PTPRT: variants seen among roughly 807,000 people sequenced by gnomAD.
PTPRT encodes receptor-type tyrosine-protein phosphatase T.
PTPRT carries 56 observed loss-of-function variants against 176.8 expected under a neutral mutation model. The ratio of observed to expected loss-of-function variants is 0.32; its 90% CI spans 0.26 to 0.40. The LOEUF is 0.40. Among genes scored for constraint, PTPRT ranks in the 10% least tolerant of loss-of-function variants. The pLI, the probability that PTPRT is intolerant of heterozygous loss-of-function variation, is 1.00. For synonymous variants in PTPRT, 783 were observed against 739.0 expected (o/e 1.06, Z -0.96); for missense variants, 1,540 against 1,908.2 (o/e 0.81, Z 3.60).
In PTPRT at chr20:42,782,450, T is replaced by C. The variant is rs541937982; in HGVS notation, c.487-2151A>G. Among the ~76,000 whole-genome samples the C allele has an allele frequency of 7.9e-5, 12 of 152,322 alleles. No homozygotes were observed. In the East Asian group the frequency reaches 1.4e-3, roughly 17 times the overall value. On this transcript the variant is annotated intron_variant, in intron 3 of 30. Coordinates refer to ENST00000373187, the MANE Select transcript of PTPRT (RefSeq NM_007050.6). ...AATCCAACAGATCTGCACAGATTCC[T>C]CCTCAAACCTTTTCCCTCATTGACC...
intron 9 of PTPRT, among the ~76,000 whole-genome samples, chr20:42,413,730 C>T (rs1157790254): frequency 6.6e-6 from 1 of 152,204 alleles, no homozygotes. Context: ...TCACATGGCT[C>T]ACCCTACAAG....
chr20:42,929,132 A>T (rs1427207528), intron 1 of PTPRT, among the ~76,000 whole-genome samples: 1 of 152,230 alleles, frequency 6.6e-6, no homozygotes. Flanking sequence ...CATTTCTAAC[A>T]TCCTTAGCAT....
At chr20:42,205,847 C>T (rs1263114600) in intron 15 of PTPRT, among the ~76,000 whole-genome samples, 2 of 152,116 alleles carry the variant, frequency 1.3e-5, no homozygotes, top group African/African-American at 4.8e-5. Context: ...CAAGTGAGGC[C>T]CTGCTTCTAC....
chr20:43,006,829 G>A (rs985779760), intron 1 of PTPRT, among the ~76,000 whole-genome samples: 8 of 152,148 alleles, frequency 5.3e-5, no homozygotes, highest in African/African-American at 1.4e-4. Flanking sequence ...TAGCACTTGG[G>A]CACATAAGCA....
At chr20:42,123,053 C>A (rs908268656) in intron 19 of PTPRT, among the ~76,000 whole-genome samples, 1 of 152,172 alleles carries the variant, frequency 6.6e-6, no homozygotes, top group South Asian at 2.1e-4. Context: ...CTTTCTCCTC[C>A]TGGGACATGG....
At chr20:42,732,217 G>A (rs910818573) in intron 6 of PTPRT, among the ~76,000 whole-genome samples, 1 of 152,170 alleles carries the variant, frequency 6.6e-6, no homozygotes, top group Non-Finnish European at 1.5e-5. Context: ...CATTTCAAGT[G>A]TTTGATAGCC....
At chr20:42,957,229 C>A (rs1981695978) in intron 1 of PTPRT, among the ~76,000 whole-genome samples, 1 of 152,096 alleles carries the variant, frequency 6.6e-6, no homozygotes, top group African/African-American at 2.4e-5. Context: ...ATGAATCATG[C>A]CAAAGGTCGA....
intron 8 of PTPRT, among the ~76,000 whole-genome samples, chr20:42,471,889 T>C (rs1219284896): frequency 1.3e-5 from 2 of 152,056 alleles, no homozygotes; most frequent in African/African-American, 2.4e-5. Context: ...ACTCCTGAGA[T>C]AGGCAATCCA....
intron 17 of PTPRT, among the ~76,000 whole-genome samples, chr20:42,151,267 A>G (rs1989120326): frequency 6.6e-6 from 1 of 152,042 alleles, no homozygotes; most frequent in Admixed American, 6.6e-5. Context: ...AGCCCCGCAT[A>G]CATTAGGTAT....
chr20:42,450,039 GGCTTCTCTGGGGCCAT>G (rs1385365853), intron 8 of PTPRT, among the ~76,000 whole-genome samples: 2 of 152,146 alleles, frequency 1.3e-5, no homozygotes. Context: ...AGAAATTGCA[GGCTTCTCTGGGGCCAT>G]ACATTTCTCT....
chr20:42,963,598 G>A (rs963601128), intron 1 of PTPRT, among the ~76,000 whole-genome samples: 1 of 147,332 alleles, frequency 6.8e-6, no homozygotes, highest in African/African-American at 2.7e-5. Context: ...ATAGTTCTTT[G>A]TAAAAGATAG....
chr20:42,789,036 T>G (rs2145535664), intron 3 of PTPRT, among the ~76,000 whole-genome samples: 1 of 152,344 alleles, frequency 6.6e-6, no homozygotes, highest in Non-Finnish European at 1.5e-5. Context: ...CCCAATTCAC[T>G]TAAGAATGTT....
chr20:42,192,533 AAT>A (rs1314973028), intron 16 of PTPRT, among the ~76,000 whole-genome samples: 1 of 152,186 alleles, frequency 6.6e-6, no homozygotes, highest in African/African-American at 2.4e-5. Flanking sequence ...GAACAGGAAG[AAT>A]ATCAGGTTTC....
intron 9 of PTPRT, among the ~76,000 whole-genome samples, chr20:42,363,083 G>A (rs1448393037): frequency 9.1e-5 from 10 of 109,920 alleles, no homozygotes; most frequent in Admixed American, 2.6e-4. Flanking sequence ...CAGCCTGGGC[G>A]ACAGAGCAAG....
intron 1 of PTPRT, among the ~76,000 whole-genome samples, chr20:42,916,273 G>A (rs921722625): frequency 6.6e-6 from 1 of 152,046 alleles, no homozygotes; most frequent in African/African-American, 2.4e-5. Context: ...TTTCATCCAT[G>A]TCCCTACAAA....
intron 2 of PTPRT, among the ~76,000 whole-genome samples, chr20:42,857,563 C>A (rs557800063): frequency 6.6e-6 from 1 of 152,148 alleles, no homozygotes; most frequent in African/African-American, 2.4e-5. Context: ...ACTATTTCCC[C>A]ACCCTCAGCT....
intron 7 of PTPRT, among the ~76,000 whole-genome samples, chr20:42,599,330 A>T (rs2073734058): frequency 6.6e-6 from 1 of 152,050 alleles, no homozygotes; most frequent in Non-Finnish European, 1.5e-5. Context: ...TGCCACAAGG[A>T]GCTCCTTATG....
chr20:43,015,948 GAA>G (rs367560612), intron 1 of PTPRT, among the ~76,000 whole-genome samples: 2 of 128,154 alleles, frequency 1.6e-5, no homozygotes. Flanking sequence ...ATTTCAAAAA[GAA>G]AAAAAAAAAA....
chr20:42,708,589 T>C (rs1324238918), intron 6 of PTPRT, among the ~76,000 whole-genome samples: 1 of 152,198 alleles, frequency 6.6e-6, no homozygotes, highest in Non-Finnish European at 1.5e-5. Flanking sequence ...GGGCCCAAGA[T>C]AGCAGGCATG....
Sources: gnomAD v4.1 joint callset for allele counts (sites outside exome capture counted in the v4.1 genomes callset) on GRCh38, gnomAD v4.1.1 for gene constraint, MANE v1.5 for transcripts, NCBI Gene and HGNC (gene_info 2026-07-23, HGNC 2026-07-21) for gene names.